The following SYNE3 variants were observed in gnomAD, a reference collection of about 807,000 sequenced individuals.
SYNE3 encodes the protein nesprin-3.
SYNE3 carries 100 observed loss-of-function variants against 111.2 expected under a neutral mutation model. The ratio of observed to expected loss-of-function variants is 0.90; its 90% confidence interval spans 0.77 to 1.06. SYNE3 has a LOEUF of 1.06. SYNE3 is among the 50% of genes least tolerant of loss of function. SYNE3 has a pLI of 0.00. For missense variants in SYNE3, 1,160 were observed against 1,240.3 expected, an observed-to-expected ratio of 0.94 and a Z score of 0.97; for synonymous variants, 547 against 533.9, an observed-to-expected ratio of 1.02 and a Z score of -0.34.
rs544920569 is a variant in SYNE3 at position 95,481,311 on chromosome 14, G to A, written c.-14-5476C>T. On this transcript the variant is annotated intron_variant, in intron 1 of 17. Coordinates refer to ENST00000682763, the MANE Select transcript of SYNE3 (RefSeq NM_152592.6). ...CAATAGAACTGCCCCTGGGAGGAAA[G>A]CAAGCCCGTGTGAGTCAAGGTCCAA... is the stretch of plus-strand genomic sequence containing the variant. Among the ~76,000 whole-genome samples the A allele has an allele frequency of 1.7e-4, 26 of 152,340 alleles. No homozygotes were observed. The South Asian group carries it at 4.3e-3, about 25-fold the overall frequency.
At chr14:95,450,147 G>A (rs1249973193) in intron 7 of SYNE3, 42 bp from the exon 8 acceptor site, 2 of 1,546,410 alleles carry the variant, frequency 1.3e-6, no homozygotes, top group Non-Finnish European at 1.7e-6. Context: ...AGGAGAGAGA[G>A]TGGGTTCAGT....
At chr14:95,452,889 G>A (rs963398614) in intron 6 of SYNE3, among the ~76,000 whole-genome samples, 11 of 152,174 alleles carry the variant, frequency 7.2e-5, no homozygotes, top group Non-Finnish European at 1.5e-4. Context: ...TTGTGAACCC[G>A]GTTATTATTC....
At chr14:95,433,486 A>G (rs1885911868) in intron 15 of SYNE3, 77 bp from the exon 16 acceptor site, 1 of 1,564,678 alleles carries the variant, frequency 6.4e-7, no homozygotes, top group Admixed American at 1.8e-5. Flanking sequence ...GGATGGGTCC[A>G]TCAAATTTCA....
chr14:95,515,808 A>C (rs1247772783), intron 1 of SYNE3, among the ~76,000 whole-genome samples: 1 of 152,140 alleles, frequency 6.6e-6, no homozygotes, highest in Non-Finnish European at 1.5e-5. Context: ...GAAAATATTC[A>C]TTATCACCCC....
At chr14:95,419,416 C>A (rs1454041675) in intron 17 of SYNE3, among the ~76,000 whole-genome samples, 1 of 152,046 alleles carries the variant, frequency 6.6e-6, no homozygotes, top group Non-Finnish European at 1.5e-5. Context: ...GATAAATGTA[C>A]CAGTTCTTAC....
Position 95,512,317 on chromosome 14 carries a change from T to C in SYNE3, c.-15+4279A>G, listed in dbSNP as rs572851071. Among the ~76,000 whole-genome samples, 3 of 152,330 alleles carry C rather than the reference T, an allele frequency of 2.0e-5. No individual in the cohort carries two copies. In the East Asian group the frequency reaches 5.8e-4, roughly 29 times the overall value. On this transcript the variant is annotated intron_variant, in intron 1 of 17. Transcript: ENST00000682763. ...CCACATGATCTTTTAATTTCATTTGTATTATGTAAGATTATATATATATAA... is the reference window on the plus strand; with the variant it reads ...CCACATGATCTTTTAATTTCATTTGCATTATGTAAGATTATATATATATAA...
intron 1 of SYNE3, among the ~76,000 whole-genome samples, chr14:95,477,339 G>A (rs1263896492): frequency 2.6e-5 from 4 of 152,234 alleles, no homozygotes; most frequent in Admixed American, 6.5e-5. Flanking sequence ...CATTGGGGGA[G>A]AGGCACAGTA....
intron 7 of SYNE3, chr14:95,451,911 G>C (rs1410784968): frequency 2.3e-5 from 4 of 177,150 alleles, no homozygotes; most frequent in Non-Finnish European, 2.4e-5. Flanking sequence ...GCATCCGAAG[G>C]CAGGGGAATG....
intron 2 of SYNE3, among the ~76,000 whole-genome samples, chr14:95,473,964 G>A (rs1888714757): frequency 6.7e-6 from 1 of 150,178 alleles, no homozygotes; most frequent in South Asian, 2.1e-4. Context: ...CTTGCGAGGT[G>A]TGACAGTGGC....
rs1887364584 is a variant in SYNE3 at position 95,455,475 on chromosome 14, A to G, written c.1039T>C (p.Phe347Leu). ...GCCAGCCTCTGCAGGACCATCCTGAACTCACTGAGCTCAGCCTCCAGCTGC... is the reference window on the plus strand; with the variant it reads ...GCCAGCCTCTGCAGGACCATCCTGAGCTCACTGAGCTCAGCCTCCAGCTGC... ...IKQLEAELSE[F>L]RMVLQRLAQE... Residue 347 changes from phenylalanine (F) to leucine (L), a missense_variant, in exon 6 of 18, where the codon TTC (phenylalanine) becomes CTC (leucine). By Grantham distance (22) the Phe-to-Leu change is conservative. Transcript: ENST00000682763. 3 of 1,613,420 alleles carry G rather than the reference A, an allele frequency of 1.9e-6. No homozygotes were observed. Among genetic ancestry groups the G allele is most frequent in the Non-Finnish European group, 2.5e-6 (3 of 1,179,940 alleles).
intron 8 of SYNE3, 77 bp from the exon 9 acceptor site, chr14:95,446,168 T>G: frequency 1.9e-6 from 3 of 1,543,284 alleles, no homozygotes; most frequent in African/African-American, 1.4e-5. Flanking sequence ...GCACAACTGT[T>G]CTGGCTGCAA....
chr14:95,489,497 G>T (rs940240606), intron 1 of SYNE3, among the ~76,000 whole-genome samples: 3 of 152,308 alleles, frequency 2.0e-5, no homozygotes, highest in South Asian at 4.1e-4. Flanking sequence ...ATCACAACAC[G>T]TGGCACTTAC....
chr14:95,469,639 A>T lies in SYNE3; in HGVS notation c.145-1672T>A, dbSNP rs190500558. Among the ~76,000 whole-genome samples the T allele has an allele frequency of 7.2e-5, 11 of 151,742 alleles. No individual in the cohort carries two copies. In the East Asian group the frequency reaches 2.1e-3, roughly 29 times the overall value. ...TGTGGGAGGATCGCTTGAGCTTGGG[A>T]GGTCGAGGCTGCAGTGAGCCGTGAT... On this transcript the variant is annotated intron_variant, in intron 2 of 17. Transcript: ENST00000682763.
rs1432147841 is a variant in SYNE3, at chr14:95,467,816, G to A, written c.296C>T (p.Thr99Ile). 1.2e-6 allele frequency: 2 copies of A among 1,614,192 alleles called. No individual in the cohort carries two copies. The highest frequency in any genetic ancestry group is 2.2e-5 in the South Asian group (2 of 91,076). The change falls in exon 3 of 18, where the codon ACC (threonine) becomes ATC (isoleucine). Residue 99 changes from threonine (T) to isoleucine (I), a missense_variant. Transcript: ENST00000682763. ...DIKAQWEETV[T>I]YMTHCHSRIE... ...CTACCTGTGACAGTGAGTCATGTAG[G>A]TGACTGTCTCCTCCCATTGGGCCTT...
At chr14:95,476,207 T>G (rs1246442159) in intron 1 of SYNE3, among the ~76,000 whole-genome samples, 2 of 152,218 alleles carry the variant, frequency 1.3e-5, no homozygotes, top group Non-Finnish European at 2.9e-5. Context: ...TCTGGACCCA[T>G]AATGATCTTG....
chr14:95,489,353 C>G (rs1345639022), intron 1 of SYNE3, among the ~76,000 whole-genome samples: 1 of 152,220 alleles, frequency 6.6e-6, no homozygotes, highest in African/African-American at 2.4e-5. Flanking sequence ...GCCAGGGGTT[C>G]TCCTGGAATA....
At chr14:95,438,310 C>T (rs559588786) in intron 14 of SYNE3, 2 of 152,374 alleles carry the variant, frequency 1.3e-5, no homozygotes, top group African/African-American at 4.8e-5. Flanking sequence ...AAACTCCTGA[C>T]CTCAAGCAAT....
intron 14 of SYNE3, 73 bp downstream of exon 14, chr14:95,438,960 T>A (rs1595190537): frequency 6.3e-7 from 1 of 1,588,826 alleles, no homozygotes; most frequent in East Asian, 2.2e-5. Flanking sequence ...GAGGGGCCTG[T>A]GCTGGAGACC....
At chr14:95,419,403 A>G (rs571967094) in intron 17 of SYNE3, among the ~76,000 whole-genome samples, 3 of 152,286 alleles carry the variant, frequency 2.0e-5, no homozygotes, top group South Asian at 2.1e-4. Context: ...ATATACCTTG[A>G]TTGATAAATG....
Sources: allele counts gnomAD v4.1 joint callset (sites outside exome capture counted in the v4.1 genomes callset), GRCh38; gene constraint gnomAD v4.1.1; transcripts MANE v1.5; gene names NCBI Gene and HGNC (gene_info 2026-07-23, HGNC 2026-07-21).